Variants in SLC9A4 observed in about 807,000 individuals in gnomAD.
SLC9A4 encodes the protein sodium/hydrogen exchanger 4.
In SLC9A4, 63 loss-of-function variants were observed where a neutral mutation model predicts 67.4. The observed-to-expected ratio is 0.93, with a 90% confidence interval of 0.76 to 1.15. The LOEUF is 1.15. Ranked by LOEUF, SLC9A4 falls within the 50% of genes most tolerant of loss-of-function variation. The pLI, the probability that SLC9A4 is intolerant of heterozygous loss-of-function variation, is 0.00. For missense variants in SLC9A4, 1,089 were observed against 987.7 expected (o/e 1.10, Z -1.38); for synonymous variants, 393 against 367.2 (o/e 1.07, Z -0.80).
At chr2:102,496,794 G>A (rs1243951727) in intron 2 of SLC9A4, among the ~76,000 whole-genome samples, 4 of 152,234 alleles carry the variant, frequency 2.6e-5, no homozygotes, top group Non-Finnish European at 5.9e-5. Flanking sequence ...AAGAACAGTA[G>A]ATAAAACAGA....
Position 102,514,225 on chromosome 2 carries a change from C to A in SLC9A4, c.1695C>A (p.Ser565Arg), listed in dbSNP as rs1448638477. 2 of 1,613,716 alleles carry A rather than the reference C, an allele frequency of 1.2e-6. No individual in the cohort carries two copies. The highest frequency in any genetic ancestry group is 2.2e-5 in the South Asian group (2 of 91,018). The change falls in exon 8 of 12, where the codon AGC becomes AGA. Residue 565 changes from serine to arginine, a missense_variant. By Grantham distance (110) the Ser-to-Arg change is moderately radical (BLOSUM62 -1). Transcript: ENST00000295269. ...AIEMVETGIL[S>R]STAFSIPHQA... ...AGATGGTGGAGACTGGGATACTGAG[C>A]TCTACAGCTTTCTCCATACCCCATC... is the stretch of plus-strand genomic sequence containing the variant.
chr2:102,493,853 C>A (rs1054018594), intron 2 of SLC9A4, among the ~76,000 whole-genome samples: 1 of 151,864 alleles, frequency 6.6e-6, no homozygotes, highest in Non-Finnish European at 1.5e-5. Context: ...AAAACAGTTA[C>A]CATAACTGCA....
intron 1 of SLC9A4, among the ~76,000 whole-genome samples, chr2:102,475,515 G>A (rs1460658564): frequency 6.6e-6 from 1 of 152,176 alleles, no homozygotes; most frequent in African/African-American, 2.4e-5. Context: ...AGCTTGTTTT[G>A]TAGAGGCATT....
chr2:102,500,110 G>T (rs532527900), intron 2 of SLC9A4, among the ~76,000 whole-genome samples: 1 of 152,164 alleles, frequency 6.6e-6, no homozygotes, highest in Non-Finnish European at 1.5e-5. Context: ...AGGCGAGCTC[G>T]CACTGGACTA....
Position 102,525,142 on chromosome 2 carries a change from C to T in SLC9A4, c.1937C>T (p.Pro646Leu), listed in dbSNP as rs749861281. Residue 646 changes from proline to leucine, a missense_variant, in exon 10 of 12, where the codon CCC becomes CTC. Transcript: ENST00000295269. The stretch of plus-strand genomic sequence containing the variant: ...AGCATGAGGAAAGGTCACAGCCTGC[C>T]CTGGGGAAAGCCGGTACATTGGGGC... ...RESMRKGHSL[P>L]WGKPAGTKNI... The T allele has an allele frequency of 1.9e-6, 3 of 1,613,864 alleles. No homozygotes were observed. Among genetic ancestry groups the T allele is most frequent in the Non-Finnish European group, 2.5e-6 (3 of 1,179,864 alleles).
intron 2 of SLC9A4, among the ~76,000 whole-genome samples, chr2:102,491,303 C>T (rs184451099): frequency 7.3e-4 from 75 of 102,888 alleles, no homozygotes; most frequent in Middle Eastern, 6.2e-3. Flanking sequence ...TTTCTCTTCC[C>T]ATTTGTACTA....
At chr2:102,519,600 A>G (rs895690514) in intron 8 of SLC9A4, among the ~76,000 whole-genome samples, 6 of 152,288 alleles carry the variant, frequency 3.9e-5, no homozygotes, top group African/African-American at 1.4e-4. Flanking sequence ...ACTTGTTACC[A>G]CTTTAGACCT....
At chr2:102,508,027 A>T in intron 4 of SLC9A4, 52 bp from the exon 5 acceptor site, 1 of 1,569,236 alleles carries the variant, frequency 6.4e-7, no homozygotes, top group Non-Finnish European at 8.8e-7. Context: ...CTAGCTCTGT[A>T]TCTCTGCTCG....
chr2:102,524,883 G>A (rs1268762412), intron 9 of SLC9A4, 141 bp from the exon 10 acceptor site: 30 of 976,410 alleles, frequency 3.1e-5, no homozygotes, highest in South Asian at 2.0e-4. Context: ...TTGTTCATTC[G>A]TAATCAAGGC....
Position 102,518,824 on chromosome 2 carries a change from C to T in SLC9A4, c.1722-1035C>T, listed in dbSNP as rs1211394551. On this transcript the variant is annotated intron_variant, in intron 8 of 11. Transcript: ENST00000295269. ...AAGCAGATATCAAAGGCTTCAGTGC[C>T]CTTATGCGTTCAAAATTCAAAAGAG... 7.3e-4 allele frequency among the ~76,000 whole-genome samples: 111 copies of T among 152,166 alleles called. 1 individual carries two copies. The highest frequency in any genetic ancestry group is 1.9e-4 in the Non-Finnish European group (13 of 68,002).
At chr2:102,491,278 A>G (rs1346714977) in intron 2 of SLC9A4, among the ~76,000 whole-genome samples, 5 of 133,746 alleles carry the variant, frequency 3.7e-5, no homozygotes, top group African/African-American at 1.3e-4. Context: ...CTGCTTTTTC[A>G]ACTGAATTTT....
intron 2 of SLC9A4, among the ~76,000 whole-genome samples, chr2:102,498,960 G>A (rs1433554120): frequency 6.6e-6 from 1 of 152,216 alleles, no homozygotes; most frequent in African/African-American, 2.4e-5. Context: ...AGGGAAAATG[G>A]GGAAGAAGCC....
chr2:102,499,298 A>C (rs1684873825), intron 2 of SLC9A4, among the ~76,000 whole-genome samples: 1 of 63,326 alleles, frequency 1.6e-5, no homozygotes, highest in Non-Finnish European at 2.8e-5. Flanking sequence ...AGATGGATAG[A>C]TAGATAGATA....
intron 4 of SLC9A4, among the ~76,000 whole-genome samples, chr2:102,506,841 C>T (rs554952382): frequency 2.6e-5 from 4 of 152,160 alleles, no homozygotes; most frequent in East Asian, 3.9e-4. Context: ...AGCTCAACCC[C>T]ATACTCTTAC....
chr2:102,503,663 G>A lies in SLC9A4; in HGVS notation c.936G>A (p.Leu312=), dbSNP rs760690096. The change falls in exon 3 of 12, where the codon TTG becomes TTA. Residue 312 remains leucine, a synonymous_variant. Transcript: ENST00000295269. Reference sequence around the variant, plus strand: ...TCATCGTCTTCATGTTCAGCTATTTGTCTTACTTAGCTGCTGAAACCCTCT... The same window carrying A: ...TCATCGTCTTCATGTTCAGCTATTTATCTTACTTAGCTGCTGAAACCCTCT... ...EPLIVFMFSY[L]SYLAAETLYL... The A allele has an allele frequency of 6.2e-7, 1 of 1,614,150 alleles. No homozygotes were observed. The highest frequency in any genetic ancestry group is 1.1e-5 in the South Asian group (1 of 91,082).
chr2:102,525,241 T>G (rs1674638575), intron 10 of SLC9A4, 86 bp downstream of exon 10: 2 of 1,572,070 alleles, frequency 1.3e-6, no homozygotes, highest in African/African-American at 1.4e-5. Context: ...GGATCTCACA[T>G]GCATGACCAT....
chr2:102,519,953 A>C lies in SLC9A4; in HGVS notation c.1816A>C (p.Arg606=). The C allele has an allele frequency of 6.2e-7, 1 of 1,613,448 alleles. No homozygotes were observed. Among genetic ancestry groups the C allele is most frequent in the Non-Finnish European group, 8.5e-7 (1 of 1,179,484 alleles). ...ATCCAACATGTACCAAGTTCGGCAA[A>C]GGGTGTGTATGAGCCACCTGTGTTG... ...LTSNMYQVRQ[R]TLSYNKYNLK... is the part of the protein sequence containing the mutation. The change falls in exon 9 of 12, where the codon AGG becomes CGG. Residue 606 remains arginine (R), a splice_region_variant and synonymous_variant. Coordinates refer to ENST00000295269, the MANE Select transcript of SLC9A4 (RefSeq NM_001011552.4).
chr2:102,530,573 A>G (rs954175568), intron 11 of SLC9A4, among the ~76,000 whole-genome samples: 2 of 152,222 alleles, frequency 1.3e-5, no homozygotes, highest in African/African-American at 4.8e-5. Flanking sequence ...GAGGGTGATC[A>G]GGAAACCAAA....
At chr2:102,507,340 T>C (rs1398495445) in intron 4 of SLC9A4, among the ~76,000 whole-genome samples, 1 of 152,246 alleles carries the variant, frequency 6.6e-6, no homozygotes, top group Admixed American at 6.5e-5. Context: ...AACTCTTCTT[T>C]GATTCATCAG....
Sources: allele counts gnomAD v4.1 joint callset (sites outside exome capture counted in the v4.1 genomes callset), GRCh38; gene constraint gnomAD v4.1.1; transcripts MANE v1.5; gene names NCBI Gene and HGNC (gene_info 2026-07-23, HGNC 2026-07-21).